ADRA1B: variants seen among roughly 807,000 people sequenced by gnomAD.
The protein encoded by ADRA1B is alpha-1B adrenergic receptor.
ADRA1B carries 17 observed loss-of-function variants against 17.9 expected under a neutral mutation model. The observed-to-expected ratio is 0.95, with a 90% CI of 0.65 to 1.42. The LOEUF (loss-of-function observed/expected upper bound fraction) is 1.42, where lower values mean the gene tolerates loss of function less well. ADRA1B is among the 40% of genes most tolerant of loss of function. The pLI, the probability that ADRA1B is intolerant of heterozygous loss-of-function variation, is 0.00. For missense variants in ADRA1B, 681 were observed against 722.1 expected (o/e 0.94, Z 0.65); for synonymous variants, 366 against 327.6 (o/e 1.12, Z -1.27).
At chr5:159,947,119 T>A (rs1040212444) in intron 1 of ADRA1B, among the ~76,000 whole-genome samples, 1 of 152,164 alleles carries the variant, frequency 6.6e-6, no homozygotes, top group African/African-American at 2.4e-5. Flanking sequence ...GGTGGGCAGA[T>A]CACCTGAGGT....
At chr5:159,907,920 T>C (rs892821100) in intron 1 of ADRA1B, among the ~76,000 whole-genome samples, 1 of 151,208 alleles carries the variant, frequency 6.6e-6, no homozygotes, top group Non-Finnish European at 1.5e-5. Flanking sequence ...GTCTTTGGCA[T>C]CTATAGCTGT....
intron 1 of ADRA1B, among the ~76,000 whole-genome samples, chr5:159,866,304 A>AAG (rs1441238544): frequency 6.7e-6 from 1 of 149,688 alleles, no homozygotes; most frequent in Non-Finnish European, 1.5e-5. Context: ...AGAAAAAAAA[A>AAG]AAAAAAAAAG....
At chr5:159,913,866 C>G (rs1176928942), upstream of ADRA1B, among the ~76,000 whole-genome samples, 1 of 152,100 alleles carries the variant, frequency 6.6e-6, no homozygotes, top group East Asian at 1.9e-4. Flanking sequence ...GGAACTTGCT[C>G]TTTATTTTAT....
intron 1 of ADRA1B, among the ~76,000 whole-genome samples, chr5:159,887,777 C>CCTCT (rs1246549848): frequency 2.6e-5 from 4 of 152,122 alleles, no homozygotes; most frequent in African/African-American, 9.7e-5. Flanking sequence ...CATGTGCCAG[C>CCTCT]CTCTCTGTGT....
intron 1 of ADRA1B, chr5:159,955,285 G>A (rs1195074822): frequency 1.3e-6 from 1 of 770,792 alleles, no homozygotes; most frequent in Non-Finnish European, 1.6e-6. Context: ...GCCAGACTGA[G>A]CCAAACAAGC....
At chr5:159,920,289 G>A (rs1754444725) in intron 1 of ADRA1B, among the ~76,000 whole-genome samples, 1 of 152,144 alleles carries the variant, frequency 6.6e-6, no homozygotes, top group South Asian at 2.1e-4. Flanking sequence ...CAGCCACATC[G>A]TAGTGTGAGA....
chr5:159,972,451 G>C lies in ADRA1B; in HGVS notation c.1522G>C (p.Gly508Arg). ...AAADVANGQPGFKSNMPLAPG... is the reference protein window; with the variant it reads ...AAADVANGQPRFKSNMPLAPG... ...GGCCGACGTGGCCAACGGGCAGCCG[G>C]GCTTCAAAAGCAACATGCCCCTGGC... The change falls in exon 2 of 2, where the codon GGC (glycine) becomes CGC (arginine). Residue 508 changes from glycine (G) to arginine (R), a missense_variant. This residue lies in a region of ADRA1B where 251 missense variants were observed against 224.9 expected (regional missense o/e 1.12). Coordinates refer to ENST00000306675, the MANE Select transcript of ADRA1B (RefSeq NM_000679.4). The C allele has an allele frequency of 5.4e-6, 8 of 1,489,224 alleles. No individual in the cohort carries two copies. The highest frequency in any genetic ancestry group is 7.1e-6 in the Non-Finnish European group (8 of 1,123,398). 92.3% of individuals were successfully genotyped at this position (1,489,224 alleles called of 1,614,324 possible).
intron 1 of ADRA1B, among the ~76,000 whole-genome samples, chr5:159,908,647 C>T (rs1013456616): frequency 8.5e-5 from 13 of 152,304 alleles, no homozygotes; most frequent in Admixed American, 2.0e-4. Flanking sequence ...TCTTTATAGA[C>T]TATCCAGCTT....
intron 1 of ADRA1B, among the ~76,000 whole-genome samples, chr5:159,957,840 A>G (rs1483697713): frequency 2.6e-5 from 4 of 151,206 alleles, no homozygotes; most frequent in African/African-American, 4.9e-5. Context: ...AAGGCCAGAG[A>G]ATCACTTGAA....
intron 1 of ADRA1B, among the ~76,000 whole-genome samples, chr5:159,874,457 T>C (rs1213191717): frequency 6.6e-6 from 1 of 152,214 alleles, no homozygotes; most frequent in African/African-American, 2.4e-5. Context: ...CTTAACCTTC[T>C]TAGGTGTCAG....
chr5:159,950,424 G>A, intron 1 of ADRA1B: 1 of 772,218 alleles, frequency 1.3e-6, no homozygotes, highest in South Asian at 1.4e-5. Context: ...GTGTGTGGCA[G>A]GGACTCCCCA....
chr5:159,910,265 C>G (rs892142737), intron 1 of ADRA1B, among the ~76,000 whole-genome samples: 3 of 152,064 alleles, frequency 2.0e-5, no homozygotes, highest in African/African-American at 7.2e-5. Flanking sequence ...AAGCATTATC[C>G]TCTGGGCACA....
intron 1 of ADRA1B, among the ~76,000 whole-genome samples, chr5:159,918,770 C>A (rs1338341447): frequency 2.0e-5 from 3 of 152,186 alleles, no homozygotes; most frequent in African/African-American, 7.2e-5. Context: ...GCAGGTAAAC[C>A]TAAAGGGGGG....
At chr5:159,923,779 C>A (rs1237351886) in intron 1 of ADRA1B, among the ~76,000 whole-genome samples, 2 of 152,262 alleles carry the variant, frequency 1.3e-5, no homozygotes, top group African/African-American at 2.4e-5. Flanking sequence ...CATTGTAGAC[C>A]TCTTGCATCA....
At chr5:159,894,776 G>T (rs931121796) in intron 1 of ADRA1B, among the ~76,000 whole-genome samples, 2 of 152,124 alleles carry the variant, frequency 1.3e-5, no homozygotes, top group Admixed American at 6.5e-5. Context: ...GCATTCTCTC[G>T]TGTCAGCTCT....
chr5:159,870,944 C>A (rs1372190061), intron 1 of ADRA1B: 1 of 152,154 alleles, frequency 6.6e-6, no homozygotes, highest in Non-Finnish European at 1.5e-5. Context: ...TTTAAGGGGC[C>A]AAGTTGTATG....
intron 1 of ADRA1B, among the ~76,000 whole-genome samples, chr5:159,886,779 T>A (rs888487022): frequency 1.3e-5 from 2 of 152,094 alleles, no homozygotes; most frequent in Non-Finnish European, 2.9e-5. Context: ...CAGATACGGA[T>A]CTGACTCTCA....
At chr5:159,886,033 C>T (rs1162796789) in intron 1 of ADRA1B, among the ~76,000 whole-genome samples, 1 of 152,166 alleles carries the variant, frequency 6.6e-6, no homozygotes, top group Non-Finnish European at 1.5e-5. Context: ...AATCTCCATG[C>T]TATGCAATCC....
chr5:159,941,819 T>C (rs1755134267), intron 1 of ADRA1B, among the ~76,000 whole-genome samples: 1 of 151,968 alleles, frequency 6.6e-6, no homozygotes, highest in Non-Finnish European at 1.5e-5. Flanking sequence ...TAAAACAAAA[T>C]GTCCAAAATA....
Sources: allele counts gnomAD v4.1 joint callset (sites outside exome capture counted in the v4.1 genomes callset), GRCh38; gene constraint gnomAD v4.1.1; regional missense constraint gnomAD v4.1.1; transcripts MANE v1.5; gene names NCBI Gene and HGNC (gene_info 2026-07-23, HGNC 2026-07-21).